CEP128: variants seen among roughly 807,000 people sequenced by gnomAD.
The protein encoded by CEP128 is centrosomal protein 128.
In CEP128, 132 loss-of-function variants were observed where a neutral mutation model predicts 156.7. That is an observed-to-expected ratio of 0.84 (90% CI 0.73 to 0.97). CEP128 has a LOEUF of 0.97. Ranked by LOEUF, CEP128 falls within the 50% of genes least tolerant of loss-of-function variation. The pLI, the probability that CEP128 is intolerant of heterozygous loss-of-function variation, is 0.00. For synonymous variants in CEP128, 469 were observed against 448.9 expected (o/e 1.04, Z -0.57); for missense variants, 1,252 against 1,281.9 (o/e 0.98, Z 0.36).
At chr14:80,754,845 A>T (rs1254615941) in intron 18 of CEP128, among the ~76,000 whole-genome samples, 1 of 152,200 alleles carries the variant, frequency 6.6e-6, no homozygotes. Flanking sequence ...AAGCTGAAGA[A>T]AACATGGCCT....
intron 9 of CEP128, among the ~76,000 whole-genome samples, chr14:80,850,722 A>C (rs1256292878): frequency 1.3e-5 from 2 of 152,152 alleles, no homozygotes. Flanking sequence ...TCATAAATCC[A>C]TAATTAATAT....
At chr14:80,645,206 T>C (rs1894584315) in intron 19 of CEP128, among the ~76,000 whole-genome samples, 1 of 152,130 alleles carries the variant, frequency 6.6e-6, no homozygotes, top group Non-Finnish European at 1.5e-5. Flanking sequence ...GAAATAGAAA[T>C]ATACTAAGGG....
At chr14:80,694,649 A>C (rs1896828166) in intron 19 of CEP128, among the ~76,000 whole-genome samples, 1 of 152,076 alleles carries the variant, frequency 6.6e-6, no homozygotes, top group African/African-American at 2.4e-5. Context: ...TAACACAGGA[A>C]CAGAAAACTA....
At chr14:80,663,718 C>A (rs116835058) in intron 19 of CEP128, among the ~76,000 whole-genome samples, 2 of 152,162 alleles carry the variant, frequency 1.3e-5, no homozygotes, top group Admixed American at 6.5e-5. Flanking sequence ...TTTCCCTAAC[C>A]CCCCTACAAG....
intron 19 of CEP128, among the ~76,000 whole-genome samples, chr14:80,726,921 G>A (rs1235877576): frequency 6.6e-6 from 1 of 152,116 alleles, no homozygotes; most frequent in Non-Finnish European, 1.5e-5. Flanking sequence ...AAAAGGTGGT[G>A]GCAATTTCTA....
At chr14:80,863,182 C>T (rs980458754) in intron 8 of CEP128, among the ~76,000 whole-genome samples, 15 of 152,128 alleles carry the variant, frequency 9.9e-5, no homozygotes, top group African/African-American at 3.1e-4. Context: ...GAAAAGAGTG[C>T]CCTCTGGTGA....
intron 24 of CEP128, among the ~76,000 whole-genome samples, chr14:80,503,361 A>G (rs917994433): frequency 2.6e-5 from 4 of 152,184 alleles, no homozygotes; most frequent in African/African-American, 7.2e-5. Context: ...AATGACCACA[A>G]TTGGTCATGA....
chr14:80,837,934 G>T (rs1228755011), intron 11 of CEP128, among the ~76,000 whole-genome samples: 2 of 152,148 alleles, frequency 1.3e-5, no homozygotes, highest in Non-Finnish European at 2.9e-5. Context: ...CTTTTACACT[G>T]CTCATGCTAA....
At chr14:80,491,338 G>A (rs1594904708) in intron 6 of CEP128, among the ~76,000 whole-genome samples, 1 of 152,166 alleles carries the variant, frequency 6.6e-6, no homozygotes, top group South Asian at 2.1e-4. Flanking sequence ...GCTGTTGGGC[G>A]GAGGCTGCTC....
chr14:80,603,404 A>G (rs1324159275), intron 19 of CEP128, among the ~76,000 whole-genome samples: 1 of 152,182 alleles, frequency 6.6e-6, no homozygotes, highest in African/African-American at 2.4e-5. Context: ...CTGATAAAAA[A>G]TGTTCTGGAA....
At chr14:80,893,056 C>G (rs1229269000) in intron 8 of CEP128, among the ~76,000 whole-genome samples, 2 of 151,746 alleles carry the variant, frequency 1.3e-5, no homozygotes, top group Non-Finnish European at 2.9e-5. Flanking sequence ...TCACAATAGC[C>G]AAGATATGGA....
intron 23 of CEP128, among the ~76,000 whole-genome samples, chr14:80,524,937 C>A (rs1888911992): frequency 6.6e-6 from 1 of 152,136 alleles, no homozygotes; most frequent in Admixed American, 6.5e-5. Flanking sequence ...TCTTCAGCTG[C>A]AAATGCAATT....
At chr14:80,626,749 G>A (rs1007226303) in intron 19 of CEP128, among the ~76,000 whole-genome samples, 1 of 152,088 alleles carries the variant, frequency 6.6e-6, no homozygotes, top group Non-Finnish European at 1.5e-5. Flanking sequence ...GACCAAGATG[G>A]TGAAACTCCG....
intron 19 of CEP128, among the ~76,000 whole-genome samples, chr14:80,615,115 A>G (rs1036904246): frequency 2.6e-5 from 4 of 152,242 alleles, no homozygotes; most frequent in East Asian, 1.9e-4. Flanking sequence ...GCAAGAAATC[A>G]GCTCAGTGCT....
intron 19 of CEP128, among the ~76,000 whole-genome samples, chr14:80,694,030 A>G (rs1896804091): frequency 6.6e-6 from 1 of 152,200 alleles, no homozygotes; most frequent in African/African-American, 2.4e-5. Flanking sequence ...TTCCTGATAC[A>G]TGACATCAGT....
intron 13 of CEP128, among the ~76,000 whole-genome samples, chr14:80,793,424 C>G (rs1360001764): frequency 6.6e-6 from 1 of 152,132 alleles, no homozygotes; most frequent in East Asian, 1.9e-4. Flanking sequence ...ATTTTAGTAA[C>G]AACCTAGTGT....
At chr14:80,871,977 T>C (rs1055725462) in intron 8 of CEP128, among the ~76,000 whole-genome samples, 1 of 152,148 alleles carries the variant, frequency 6.6e-6, no homozygotes, top group Non-Finnish European at 1.5e-5. Flanking sequence ...TAAATAAATA[T>C]GTTATATATC....
intron 4 of CEP128, among the ~76,000 whole-genome samples, chr14:80,912,895 T>A (rs1389102173): frequency 1.3e-5 from 2 of 152,146 alleles, no homozygotes; most frequent in Non-Finnish European, 2.9e-5. Flanking sequence ...ATATACAATG[T>A]GATTTTAGTG....
intron 19 of CEP128, among the ~76,000 whole-genome samples, chr14:80,647,457 G>A (rs1157518000): frequency 6.6e-6 from 1 of 151,760 alleles, no homozygotes; most frequent in South Asian, 2.1e-4. Flanking sequence ...CTTTTCCTCT[G>A]AGTTTTCAGG....
Sources: allele counts gnomAD v4.1 joint callset (sites outside exome capture counted in the v4.1 genomes callset), GRCh38; gene constraint gnomAD v4.1.1; transcripts MANE v1.5; gene names NCBI Gene and HGNC (gene_info 2026-07-23, HGNC 2026-07-21).